The following TENM2 variants were observed in gnomAD, a reference collection of about 807,000 sequenced individuals.
TENM2 encodes the protein teneurin transmembrane protein 2.
A neutral mutation model predicts 245.2 loss-of-function variants in TENM2; 52 were observed. That is an observed-to-expected ratio of 0.21 (90% CI 0.17 to 0.27). TENM2 has a LOEUF of 0.27. Among genes scored for constraint, TENM2 ranks in the 10% least tolerant of loss-of-function variants. The pLI is 1.00. For synonymous variants in TENM2, 1,363 were observed against 1,438.9 expected (o/e 0.95, Z 1.19); for missense variants, 3,046 against 3,666.8 (o/e 0.83, Z 4.37).
chr5:168,248,013 G>A (rs1345508010), exon 27 of TENM2: 2 of 1,613,854 alleles, frequency 1.2e-6, no homozygotes, highest in East Asian at 2.2e-5. Context: ...TTGCCATGGA[G>A]AGCAGCAGTG....
intron 2 of TENM2, among the ~76,000 whole-genome samples, chr5:167,510,405 G>A (rs1263463826): frequency 2.0e-5 from 3 of 152,156 alleles, no homozygotes; most frequent in African/African-American, 7.2e-5. Context: ...TGAAGCAAGC[G>A]AGCACCCATT....
chr5:167,839,944 A>G (rs746284849), intron 2 of TENM2, among the ~76,000 whole-genome samples: 12 of 152,144 alleles, frequency 7.9e-5, no homozygotes, highest in African/African-American at 1.4e-4. Context: ...CAGCCTCCCA[A>G]GTAGCTGGGA....
chr5:167,269,037 T>C, the TENM2 span, among the ~76,000 whole-genome samples: 1 of 152,100 alleles, frequency 6.6e-6, no homozygotes, highest in Non-Finnish European at 1.5e-5. Flanking sequence ...AAGTTAACAA[T>C]ATTTATACTT....
chr5:168,262,041 C>T lies in TENM2; in HGVS notation c.7564-8C>T. 1.9e-6 allele frequency: 3 copies of T among 1,607,200 alleles called. No homozygotes were observed. The highest frequency in any genetic ancestry group is 2.6e-6 in the Non-Finnish European group (3 of 1,174,656). ...TTCTCAGCTTTCTCTGTTTTCTTAT[C>T]CCCACAGCTCATTACAGGTGTCCAA... On this transcript the variant is annotated splice_region_variant and splice_polypyrimidine_tract_variant and intron_variant, in intron 28 of 28. Coordinates refer to ENST00000518659, the Ensembl canonical transcript of TENM2.
chr5:167,231,934 G>T, the TENM2 span, among the ~76,000 whole-genome samples: 21 of 152,334 alleles, frequency 1.4e-4, no homozygotes, highest in East Asian at 3.9e-3. Context: ...CTGCATGCCA[G>T]CTGTGGCTTA....
the TENM2 span, among the ~76,000 whole-genome samples, chr5:167,063,620 T>C: frequency 2.0e-5 from 3 of 152,236 alleles, no homozygotes; most frequent in Admixed American, 6.5e-5. Context: ...GTAAGTGGTA[T>C]ATTTGAACTA....
chr5:167,828,160 C>T (rs72833802), intron 2 of TENM2, among the ~76,000 whole-genome samples: 2 of 152,140 alleles, frequency 1.3e-5, no homozygotes, highest in African/African-American at 2.4e-5. Flanking sequence ...TTATCATCAC[C>T]GTTTTACAGA....
chr5:167,284,180 A>G (rs555847502), upstream of TENM2, among the ~76,000 whole-genome samples: 65 of 152,342 alleles, frequency 4.3e-4, 1 homozygote, highest in South Asian at 0.013. Flanking sequence ...AAATTGGAGA[A>G]AGATTGTTTG....
intron 1 of TENM2, among the ~76,000 whole-genome samples, chr5:167,325,278 A>G (rs571712674): frequency 6.6e-6 from 1 of 152,240 alleles, no homozygotes; most frequent in South Asian, 2.1e-4. Context: ...AAATTAGCCG[A>G]CAAGAATTTA....
Position 167,908,239 on chromosome 5 carries a change from ACCT to A in TENM2, c.712+32046_712+32048del, listed in dbSNP as rs1335493801. Among the ~76,000 whole-genome samples, 5 of 151,896 alleles carry A rather than the reference ACCT, an allele frequency of 3.3e-5. No individual in the cohort carries two copies. The East Asian group carries it at 9.7e-4, about 30-fold the overall frequency. On this transcript the variant is annotated intron_variant, in intron 3 of 28. Coordinates refer to ENST00000518659, the Ensembl canonical transcript of TENM2. ...ATGTTGTCTGGAGACAATTGGCAGG[ACCT>A]CAGCAGGCTGTAAATCCTTTCAGGA...
chr5:167,394,268 G>T (rs1384704600), intron 2 of TENM2, among the ~76,000 whole-genome samples: 1 of 152,076 alleles, frequency 6.6e-6, no homozygotes, highest in Non-Finnish European at 1.5e-5. Context: ...TACATTTTAA[G>T]TCTGTAATCA....
intron 2 of TENM2, among the ~76,000 whole-genome samples, chr5:167,495,132 T>C (rs1431379006): frequency 6.6e-6 from 1 of 152,132 alleles, no homozygotes; most frequent in African/African-American, 2.4e-5. Context: ...CCATCGGTTT[T>C]GTAACCTAAT....
chr5:167,146,427 C>T, the TENM2 span, among the ~76,000 whole-genome samples: 2 of 152,122 alleles, frequency 1.3e-5, no homozygotes, highest in Non-Finnish European at 2.9e-5. Context: ...GTTTCTGTGG[C>T]TTCTGTGTAA....
chr5:168,086,248 C>A (rs1352957271), intron 7 of TENM2, among the ~76,000 whole-genome samples: 1 of 152,204 alleles, frequency 6.6e-6, no homozygotes, highest in African/African-American at 2.4e-5. Flanking sequence ...TCTCCTCCCG[C>A]TCCTCTGGAA....
chr5:168,214,791 A>G (rs1763047188), intron 20 of TENM2: 1 of 587,334 alleles, frequency 1.7e-6, no homozygotes, highest in Admixed American at 2.2e-5. Flanking sequence ...GGCTAAATGA[A>G]GCAACAGTTG....
chr5:167,294,703 T>G lies in TENM2; in HGVS notation c.226+9640T>G, dbSNP rs1754845602. 2.0e-5 allele frequency among the ~76,000 whole-genome samples: 3 copies of G among 152,092 alleles called. No individual in the cohort carries two copies. The South Asian group carries it at 6.2e-4, about 32-fold the overall frequency. On this transcript the variant is annotated intron_variant, in intron 1 of 28. Coordinates refer to ENST00000518659, the Ensembl canonical transcript of TENM2. ...ATAGGTTTTATTTGGCCTATGGATT[T>G]CTTTAGAATTTTGAATCAAGTGCCA...
At chr5:168,035,837 A>G (rs945913881) in intron 5 of TENM2, among the ~76,000 whole-genome samples, 8 of 152,214 alleles carry the variant, frequency 5.3e-5, no homozygotes, top group African/African-American at 1.4e-4. Context: ...GGTATGTCAT[A>G]GAACTGCAAC....
chr5:167,342,507 C>CTTTT (rs35451881), intron 1 of TENM2, among the ~76,000 whole-genome samples: 984 of 54,362 alleles, frequency 0.018, 166 homozygotes, highest in Middle Eastern at 0.053. Context: ...TAAAGTTATT[C>CTTTT]TTTTTTTTTT....
chr5:167,053,049 G>A, the TENM2 span, among the ~76,000 whole-genome samples: 4 of 151,924 alleles, frequency 2.6e-5, no homozygotes, highest in Non-Finnish European at 5.9e-5. Flanking sequence ...CTCAGAAAAG[G>A]CTCCTCACCT....
Sources: allele counts gnomAD v4.1 joint callset (sites outside exome capture counted in the v4.1 genomes callset), GRCh38; gene constraint gnomAD v4.1.1; transcripts MANE v1.5; gene names NCBI Gene and HGNC (gene_info 2026-07-23, HGNC 2026-07-21).